The following CCDC146 variants were observed in gnomAD, a reference collection of about 807,000 sequenced individuals.
CCDC146 encodes coiled-coil domain-containing protein 146.
A neutral mutation model predicts 119.3 loss-of-function variants in CCDC146; 92 were observed. The ratio of observed to expected loss-of-function variants is 0.77; its 90% CI spans 0.65 to 0.92. The LOEUF (loss-of-function observed/expected upper bound fraction) is 0.92, where lower values mean the gene tolerates loss of function less well. Ranked by LOEUF, CCDC146 falls within the 40% of genes least tolerant of loss-of-function variation. CCDC146 has a pLI of 0.00. For synonymous variants in CCDC146, 372 were observed against 371.8 expected, an observed-to-expected ratio of 1.00 and a Z score of -0.01; for missense variants, 1,000 against 1,103.0, an observed-to-expected ratio of 0.91 and a Z score of 1.32.
chr7:77,138,680 A>C (rs1194417694), intron 1 of CCDC146, among the ~76,000 whole-genome samples: 1 of 152,190 alleles, frequency 6.6e-6, no homozygotes, highest in Admixed American at 6.5e-5. Context: ...AAATTCAAAA[A>C]CAACAACAAA....
chr7:77,254,665 T>C (rs1793142936), intron 5 of CCDC146, 102 bp downstream of exon 5: 7 of 651,496 alleles, frequency 1.1e-5, no homozygotes, highest in Non-Finnish European at 1.8e-5. Context: ...CTGAAACATT[T>C]TAAAGACTCT....
At chr7:77,202,339 C>G (rs931704276) in intron 2 of CCDC146, among the ~76,000 whole-genome samples, 4 of 152,160 alleles carry the variant, frequency 2.6e-5, no homozygotes, top group Admixed American at 2.6e-4. Context: ...AGTTTCTAAA[C>G]CTAACAGAAG....
intron 5 of CCDC146, chr7:77,255,275 C>G (rs1793156632): frequency 6.6e-6 from 1 of 152,198 alleles, no homozygotes; most frequent in Non-Finnish European, 1.5e-5. Flanking sequence ...CAAGTTGGCC[C>G]TACCTCTTAA....
Position 77,273,807 on chromosome 7 carries a change from T to G in CCDC146, c.1269+18T>G, listed in dbSNP as rs374828039. 3 of 1,502,240 alleles carry G rather than the reference T, an allele frequency of 2.0e-6. No homozygotes were observed. In the African/African-American group the frequency reaches 4.1e-5, roughly 21 times the overall value. The allele number at this position is 1,502,240 out of a possible 1,614,324, so 93.1% of individuals were successfully genotyped here. A position where few individuals can be genotyped will look rare whatever the true frequency, so the allele number is the denominator to read the frequency against. On this transcript the variant is annotated intron_variant, in intron 10 of 18. Transcript: ENST00000285871. ...CCCAACAGGTTAATATCAATGCTCA[T>G]TTAAGCTTCTATCTAAGAAGCGTTC...
intron 14 of CCDC146, among the ~76,000 whole-genome samples, chr7:77,281,680 G>A (rs1300790518): frequency 1.3e-5 from 2 of 152,168 alleles, no homozygotes; most frequent in Non-Finnish European, 2.9e-5. Flanking sequence ...ATAGAGCTGG[G>A]ATTAGCTGAG....
chr7:77,135,060 A>G (rs191780607), intron 1 of CCDC146, among the ~76,000 whole-genome samples: 139 of 152,354 alleles, frequency 9.1e-4, no homozygotes, highest in African/African-American at 3.2e-3. Flanking sequence ...ACTCATCACA[A>G]CTACAACCAC....
chr7:77,144,022 A>T (rs918076934), intron 1 of CCDC146, among the ~76,000 whole-genome samples: 3 of 151,666 alleles, frequency 2.0e-5, no homozygotes, highest in African/African-American at 7.3e-5. Flanking sequence ...GGCCATTTTC[A>T]CGATATTAAT....
intron 2 of CCDC146, chr7:77,199,815 A>G (rs747828754): frequency 3.7e-6 from 6 of 1,605,118 alleles, no homozygotes; most frequent in Non-Finnish European, 5.1e-6. Context: ...TGCTCACCCC[A>G]GCAGGGAGTG....
chr7:77,183,467 A>G (rs527714699), intron 2 of CCDC146, among the ~76,000 whole-genome samples: 3 of 152,284 alleles, frequency 2.0e-5, no homozygotes, highest in South Asian at 2.1e-4. Flanking sequence ...TCCCTCTACA[A>G]TCTGATCCAT....
chr7:77,199,840 T>A, intron 2 of CCDC146: 2 of 1,571,180 alleles, frequency 1.3e-6, no homozygotes, highest in African/African-American at 2.7e-5. Context: ...GGGCTGGAGC[T>A]GCTTTAATAG....
chr7:77,181,786 T>A (rs1490315883), intron 2 of CCDC146, among the ~76,000 whole-genome samples: 1 of 152,208 alleles, frequency 6.6e-6, no homozygotes, highest in African/African-American at 2.4e-5. Context: ...ATGTGGAAAT[T>A]AATTTTTTTA....
At chr7:77,207,769 T>G (rs888321956) in intron 2 of CCDC146, among the ~76,000 whole-genome samples, 17 of 152,172 alleles carry the variant, frequency 1.1e-4, no homozygotes, top group Admixed American at 6.5e-5. Context: ...AGATTAGAGA[T>G]CTGTAAGGTC....
chr7:77,223,538 A>C (rs776319113), intron 2 of CCDC146, among the ~76,000 whole-genome samples: 2 of 152,244 alleles, frequency 1.3e-5, no homozygotes, highest in Non-Finnish European at 2.9e-5. Context: ...AGAAGGCAGA[A>C]GAGCTGTGAG....
intron 9 of CCDC146, among the ~76,000 whole-genome samples, chr7:77,271,550 A>AG (rs1793520587): frequency 3.6e-5 from 3 of 83,312 alleles, no homozygotes; most frequent in African/African-American, 1.2e-4. Context: ...ATATATATAT[A>AG]TATATATATA....
At chr7:77,287,313 C>A in intron 16 of CCDC146, 127 bp from the exon 17 acceptor site, 1 of 995,878 alleles carries the variant, frequency 1.0e-6, no homozygotes, top group Non-Finnish European at 1.5e-6. Flanking sequence ...AAAGTCTTAA[C>A]CCAGCTCTAA....
chr7:77,208,193 G>A (rs966605570), intron 2 of CCDC146, among the ~76,000 whole-genome samples: 1 of 152,224 alleles, frequency 6.6e-6, no homozygotes, highest in East Asian at 1.9e-4. Context: ...ACTCCAAAAT[G>A]GACACTTTTA....
chr7:77,145,974 G>T (rs1025951877), intron 1 of CCDC146, among the ~76,000 whole-genome samples: 1 of 151,956 alleles, frequency 6.6e-6, no homozygotes, highest in Admixed American at 6.6e-5. Context: ...GGATATCCTT[G>T]TTAACTTTCT....
Position 77,212,349 on chromosome 7 carries a change from TG to T in CCDC146, c.157-24596del, listed in dbSNP as rs1792200720. On this transcript the variant is annotated intron_variant, in intron 2 of 18. Transcript: ENST00000285871. ...TCAAAAACATATTGAAGGCTGGGCA[TG>T]GTGGCTCATGCCTGTAATCCCAGCA... Among the ~76,000 whole-genome samples the T allele has an allele frequency of 3.3e-5, 5 of 152,200 alleles. No homozygotes were observed. The South Asian group carries it at 1.0e-3, about 32-fold the overall frequency.
intron 2 of CCDC146, chr7:77,195,611 G>A (rs541941687): frequency 6.6e-6 from 1 of 152,164 alleles, no homozygotes. Flanking sequence ...TTAAATCATG[G>A]CCCAAATACA....
Sources: gnomAD v4.1 joint callset for allele counts (sites outside exome capture counted in the v4.1 genomes callset) on GRCh38, gnomAD v4.1.1 for gene constraint, MANE v1.5 for transcripts, NCBI Gene and HGNC (gene_info 2026-07-23, HGNC 2026-07-21) for gene names.